The following BRI3BP variants were observed in gnomAD, a reference collection of about 807,000 sequenced individuals.
BRI3BP encodes BRI3 binding protein.
BRI3BP carries 7 observed loss-of-function variants against 15.8 expected under a neutral mutation model. The ratio of observed to expected loss-of-function variants is 0.44; its 90% CI spans 0.25 to 0.83. The LOEUF (loss-of-function observed/expected upper bound fraction) is 0.83, where lower values mean the gene tolerates loss of function less well. Ranked by LOEUF, BRI3BP falls within the 40% of genes least tolerant of loss-of-function variation. The pLI, the probability that BRI3BP is intolerant of heterozygous loss-of-function variation, is 0.20. For synonymous variants in BRI3BP, 192 were observed against 163.5 expected, an observed-to-expected ratio of 1.17 and a Z score of -1.33; for missense variants, 320 against 339.3, an observed-to-expected ratio of 0.94 and a Z score of 0.45.
At chr12:125,001,073 G>A (rs1428116755) in intron 1 of BRI3BP, among the ~76,000 whole-genome samples, 1 of 149,252 alleles carries the variant, frequency 6.7e-6, no homozygotes, top group African/African-American at 2.5e-5. Context: ...ATTTTTTTTT[G>A]AGACGGAGTC....
At chr12:125,048,533 C>A in the BRI3BP span, among the ~76,000 whole-genome samples, 3 of 151,086 alleles carry the variant, frequency 2.0e-5, no homozygotes. Flanking sequence ...GGGAACATCA[C>A]ACTCTGGGGA....
chr12:125,045,101 T>A, the BRI3BP span, among the ~76,000 whole-genome samples: 1 of 152,178 alleles, frequency 6.6e-6, no homozygotes, highest in South Asian at 2.1e-4. Flanking sequence ...GATTGGATAT[T>A]GATTAAATCA....
At chr12:125,011,684 C>T (rs1275214470) in intron 1 of BRI3BP, among the ~76,000 whole-genome samples, 1 of 151,908 alleles carries the variant, frequency 6.6e-6, no homozygotes, top group East Asian at 1.9e-4. Flanking sequence ...TGTTGGTAGG[C>T]TTGAGTTTTA....
intron 2 of BRI3BP, 99 bp from the exon 3 acceptor site, chr12:125,024,891 CT>C: frequency 2.7e-6 from 3 of 1,105,672 alleles, no homozygotes; most frequent in Non-Finnish European, 3.8e-6. Flanking sequence ...TTGCAAAGGC[CT>C]TTTAAGCCCC....
chr12:125,004,104 G>C (rs1955122382), intron 1 of BRI3BP, among the ~76,000 whole-genome samples: 2 of 151,844 alleles, frequency 1.3e-5, no homozygotes, highest in South Asian at 2.1e-4. Context: ...AAAACTTTTT[G>C]TTTGAATTTG....
Position 125,001,057 on chromosome 12 carries a change from A to C in BRI3BP, c.213+7054A>C, listed in dbSNP as rs192050964. On this transcript the variant is annotated intron_variant, in intron 1 of 2. Coordinates refer to ENST00000341446, the MANE Select transcript of BRI3BP (RefSeq NM_080626.6). ...GGGACTTAATTATGAATTTTTTTTTATTTTTATTTTTTTTTGAGACGGAGT... is the reference window on the plus strand; with the variant it reads ...GGGACTTAATTATGAATTTTTTTTTCTTTTTATTTTTTTTTGAGACGGAGT... 5.6e-3 allele frequency among the ~76,000 whole-genome samples: 845 copies of C among 151,376 alleles called. 2 individuals are homozygous for C. Among genetic ancestry groups the C allele is most frequent in the African/African-American group, 0.02 (814 of 41,278 alleles).
At chr12:125,012,904 C>T (rs548450559) in intron 2 of BRI3BP, among the ~76,000 whole-genome samples, 27 of 152,042 alleles carry the variant, frequency 1.8e-4, no homozygotes, top group African/African-American at 6.5e-4. Flanking sequence ...ATGGTGAGAT[C>T]CCATCTCTAT....
At chr12:125,032,920 C>T (rs1343361638), downstream of BRI3BP, among the ~76,000 whole-genome samples, 2 of 152,198 alleles carry the variant, frequency 1.3e-5, no homozygotes, top group Non-Finnish European at 2.9e-5. Flanking sequence ...GAGAAGTCAC[C>T]GAGGGCAGTG....
At chr12:125,004,736 T>A (rs10846802) in intron 1 of BRI3BP, among the ~76,000 whole-genome samples, 112,037 of 151,904 alleles carry the variant, frequency 0.74, 42,564 homozygotes, top group East Asian at 0.94. Flanking sequence ...CAGGATCCCA[T>A]CTGGGATCCC....
At chr12:125,014,693 A>G (rs140936693) in intron 2 of BRI3BP, among the ~76,000 whole-genome samples, 5 of 152,212 alleles carry the variant, frequency 3.3e-5, no homozygotes, top group African/African-American at 1.2e-4. Flanking sequence ...CATAAACCAC[A>G]TCATTTGTGT....
At chr12:125,032,908 A>G (rs181106228), downstream of BRI3BP, among the ~76,000 whole-genome samples, 97 of 152,310 alleles carry the variant, frequency 6.4e-4, no homozygotes, top group African/African-American at 2.2e-3. Flanking sequence ...GAGACTTCAC[A>G]GGAGAAGTCA....
intron 1 of BRI3BP, among the ~76,000 whole-genome samples, chr12:125,007,551 G>GA (rs934813572): frequency 1.0e-4 from 15 of 149,990 alleles, no homozygotes; most frequent in Non-Finnish European, 1.8e-4. Context: ...TCTGTCTCAG[G>GA]AAAAAAAAAT....
At chr12:124,999,531 C>G (rs1005006150) in intron 1 of BRI3BP, among the ~76,000 whole-genome samples, 1 of 152,094 alleles carries the variant, frequency 6.6e-6, no homozygotes, top group Non-Finnish European at 1.5e-5. Flanking sequence ...TCAAATGATC[C>G]TCCTGCATCA....
Position 125,012,241 on chromosome 12 carries a change from A to G in BRI3BP, c.214-293A>G, listed in dbSNP as rs528752292. Among the ~76,000 whole-genome samples, 37 of 152,312 alleles carry G rather than the reference A, an allele frequency of 2.4e-4. No homozygotes were observed. In the East Asian group the frequency reaches 6.0e-3, roughly 25 times the overall value. On this transcript the variant is annotated intron_variant, in intron 1 of 2. Transcript: ENST00000341446. ...TGACCCAAGAGGAAGCATGAAAGAC[A>G]GCAGGAGCAATGGCAAGCGGCGTAA...
chr12:125,023,846 G>A (rs1955322417), intron 2 of BRI3BP, among the ~76,000 whole-genome samples: 1 of 152,176 alleles, frequency 6.6e-6, no homozygotes, highest in Non-Finnish European at 1.5e-5. Context: ...CTGAGGAGGT[G>A]GATCACTTGA....
In BRI3BP at chr12:125,000,511, C is replaced by T. The variant is rs938979026; in HGVS notation, c.213+6508C>T. On this transcript the variant is annotated intron_variant, in intron 1 of 2. Coordinates refer to ENST00000341446, the MANE Select transcript of BRI3BP (RefSeq NM_080626.6). ...TGTATTTTTAGTAGAGACGGGGTTT[C>T]ACCATGTTAGCCAGGATGGTCTCGA... is the stretch of plus-strand genomic sequence containing the variant. 2.6e-5 allele frequency among the ~76,000 whole-genome samples: 4 copies of T among 151,814 alleles called. No individual in the cohort carries two copies. The East Asian group carries it at 7.8e-4, about 29-fold the overall frequency.
At chr12:125,037,619 G>A in the BRI3BP span, among the ~76,000 whole-genome samples, 1 of 149,260 alleles carries the variant, frequency 6.7e-6, no homozygotes, top group Non-Finnish European at 1.5e-5. Context: ...AGACCAGCCT[G>A]GCCAATATGG....
chr12:125,032,618 A>G (rs897307589), downstream of BRI3BP, among the ~76,000 whole-genome samples: 2 of 152,062 alleles, frequency 1.3e-5, no homozygotes, highest in Non-Finnish European at 2.9e-5. Flanking sequence ...AAGTAAATAA[A>G]TTAGTTGGGT....
chr12:124,993,866 G>A lies in BRI3BP; in HGVS notation c.76G>A (p.Gly26Arg), dbSNP rs1955016726. 1.7e-6 allele frequency: 2 copies of A among 1,165,100 alleles called. No individual in the cohort carries two copies. The highest frequency in any genetic ancestry group is 1.7e-5 in the African/African-American group (1 of 59,942). 72.2% of individuals were successfully genotyped at this position (1,165,100 alleles called of 1,614,324 possible). A position where few individuals can be genotyped will look rare whatever the true frequency, so the allele number is the denominator to read the frequency against. Residue 26 changes from glycine (G) to arginine (R), a missense_variant, in exon 1 of 3, where the codon GGG becomes AGG. By Grantham distance (125) the Gly-to-Arg change is moderately radical. Transcript: ENST00000341446. Reference protein sequence around the residue: ...LLLLLLLLLLGLLAPGAQGAR... With the variant: ...LLLLLLLLLLRLLAPGAQGAR... ...GCTGCTGCTGCTGCTGCTGCTGCTCGGGCTGCTGGCCCCGGGCGCGCAGGG... is the reference window on the plus strand; with the variant it reads ...GCTGCTGCTGCTGCTGCTGCTGCTCAGGCTGCTGGCCCCGGGCGCGCAGGG...
Sources: gnomAD v4.1 joint callset for allele counts (sites outside exome capture counted in the v4.1 genomes callset) on GRCh38, gnomAD v4.1.1 for gene constraint, MANE v1.5 for transcripts, NCBI Gene and HGNC (gene_info 2026-07-23, HGNC 2026-07-21) for gene names.